The following DLC1 variants were observed in gnomAD, a reference collection of about 807,000 sequenced individuals.
DLC1 encodes the protein rho GTPase-activating protein 7.
DLC1 carries 54 observed loss-of-function variants against 140.3 expected under a neutral mutation model. That is an observed-to-expected ratio of 0.38 (90% confidence interval 0.31 to 0.48). DLC1 has a LOEUF of 0.48. Among genes scored for constraint, DLC1 ranks in the 20% least tolerant of loss-of-function variants. The pLI, the probability that DLC1 is intolerant of heterozygous loss-of-function variation, is 0.96. For synonymous variants in DLC1, 986 were observed against 728.1 expected (o/e 1.35, Z -5.70); for missense variants, 2,536 against 1,907.0 (o/e 1.33, Z -6.14).
intron 4 of DLC1, among the ~76,000 whole-genome samples, chr8:13,376,063 A>C (rs1350336531): frequency 1.3e-5 from 2 of 152,176 alleles, no homozygotes; most frequent in African/African-American, 2.4e-5. Context: ...AAGAAAAAGC[A>C]CCAAAAAGAG....
intron 4 of DLC1, among the ~76,000 whole-genome samples, chr8:13,389,090 G>T (rs1445329301): frequency 6.6e-6 from 1 of 151,988 alleles, no homozygotes; most frequent in Non-Finnish European, 1.5e-5. Context: ...ACAGTAGAAT[G>T]CTAGACTCTC....
At chr8:13,411,312 C>T (rs531534659) in intron 2 of DLC1, among the ~76,000 whole-genome samples, 18 of 152,194 alleles carry the variant, frequency 1.2e-4, no homozygotes, top group Middle Eastern at 3.4e-3. Flanking sequence ...GTCAGTCTGA[C>T]GAGCTATCTA....
intron 1 of DLC1, among the ~76,000 whole-genome samples, chr8:13,545,233 G>T (rs188161323): frequency 1.8e-3 from 276 of 151,674 alleles, no homozygotes; most frequent in Admixed American, 2.9e-3. Flanking sequence ...TGGATATCCT[G>T]CTCAAATTAG....
At chr8:13,352,158 A>G (rs7834258) in intron 4 of DLC1, among the ~76,000 whole-genome samples, 14,798 of 152,266 alleles carry the variant, frequency 0.097, 815 homozygotes, top group South Asian at 0.12. Context: ...TGAAAGCATC[A>G]GTCATTGTGA....
intron 5 of DLC1, among the ~76,000 whole-genome samples, chr8:13,234,174 A>G (rs1829179663): frequency 6.6e-6 from 1 of 152,152 alleles, no homozygotes; most frequent in African/African-American, 2.4e-5. Context: ...CCTTTTTAAA[A>G]ATTTAGGAAA....
chr8:13,103,524 T>A (rs994335379), intron 7 of DLC1, among the ~76,000 whole-genome samples: 1 of 151,836 alleles, frequency 6.6e-6, no homozygotes, highest in Non-Finnish European at 1.5e-5. Flanking sequence ...CATTATGGAC[T>A]GCCGCACATG....
chr8:13,236,800 T>A (rs763893950), intron 5 of DLC1, among the ~76,000 whole-genome samples: 3 of 152,068 alleles, frequency 2.0e-5, no homozygotes, highest in Non-Finnish European at 4.4e-5. Flanking sequence ...TTCATATCCA[T>A]CTAAAAGGGT....
intron 4 of DLC1, among the ~76,000 whole-genome samples, chr8:13,354,922 C>A (rs1206607783): frequency 1.4e-5 from 2 of 146,794 alleles, no homozygotes; most frequent in African/African-American, 2.5e-5. Context: ...CACTGCACTC[C>A]AGCCTGGATG....
At chr8:13,443,657 C>CAAAAAAAAAAAAAAAAAAAAAAA (rs11321891) in intron 2 of DLC1, among the ~76,000 whole-genome samples, 1 of 67,034 alleles carries the variant, frequency 1.5e-5, no homozygotes, top group African/African-American at 4.6e-5. Flanking sequence ...GACTCCGTCT[C>CAAAAAAAAAAAAAAAAAAAAAAA]AAAAAAAAAA....
chr8:13,389,632 A>G (rs1436985014), intron 4 of DLC1, among the ~76,000 whole-genome samples: 1 of 152,188 alleles, frequency 6.6e-6, no homozygotes, highest in Non-Finnish European at 1.5e-5. Flanking sequence ...ATCTACACAT[A>G]GAATTAATGA....
chr8:13,310,389 C>T (rs144003246), intron 4 of DLC1, among the ~76,000 whole-genome samples: 1 of 152,168 alleles, frequency 6.6e-6, no homozygotes, highest in East Asian at 1.9e-4. Context: ...ATTCACTTTT[C>T]TTCCCACAAA....
At chr8:13,271,142 C>T (rs1853700298) in intron 5 of DLC1, among the ~76,000 whole-genome samples, 2 of 152,198 alleles carry the variant, frequency 1.3e-5, no homozygotes, top group African/African-American at 2.4e-5. Flanking sequence ...AATCTAGATA[C>T]ATGTTCACAT....
At chr8:13,495,238 C>T (rs1009268158) in intron 2 of DLC1, among the ~76,000 whole-genome samples, 8 of 152,140 alleles carry the variant, frequency 5.3e-5, no homozygotes, top group African/African-American at 1.9e-4. Context: ...GAATTTTGTA[C>T]TCTCTCTAAT....
At chr8:13,475,703 T>C (rs1178900984) in intron 2 of DLC1, among the ~76,000 whole-genome samples, 1 of 152,134 alleles carries the variant, frequency 6.6e-6, no homozygotes, top group Non-Finnish European at 1.5e-5. Flanking sequence ...CTGAGGCTGG[T>C]ACTCAAATCC....
At chr8:13,491,371 C>A (rs945254224) in intron 2 of DLC1, among the ~76,000 whole-genome samples, 1 of 151,974 alleles carries the variant, frequency 6.6e-6, no homozygotes, top group South Asian at 2.1e-4. Flanking sequence ...ATTTCTAGAC[C>A]AGTGGCCTCT....
intron 2 of DLC1, among the ~76,000 whole-genome samples, chr8:13,437,169 C>G (rs752211097): frequency 6.6e-6 from 1 of 152,102 alleles, no homozygotes; most frequent in Admixed American, 6.5e-5. Context: ...CTCAAGTTGA[C>G]AAGTTGAGAA....
intron 5 of DLC1, among the ~76,000 whole-genome samples, chr8:13,286,025 C>T (rs73212253): frequency 0.04 from 6,015 of 152,152 alleles, 159 homozygotes; most frequent in Non-Finnish European, 0.059. Context: ...ATATGCAATA[C>T]AGTGTTATTA....
chr8:13,279,881 AG>A (rs1050168261), intron 5 of DLC1, among the ~76,000 whole-genome samples: 1 of 152,096 alleles, frequency 6.6e-6, no homozygotes, highest in African/African-American at 2.4e-5. Context: ...TGACTCTGAG[AG>A]GTGAGAATAG....
At chr8:13,223,173 G>C (rs547476302) in intron 5 of DLC1, among the ~76,000 whole-genome samples, 11 of 152,020 alleles carry the variant, frequency 7.2e-5, no homozygotes, top group Non-Finnish European at 1.5e-4. Context: ...CTGTAGGTTT[G>C]TTAAATGATA....
Sources: allele counts gnomAD v4.1 joint callset (sites outside exome capture counted in the v4.1 genomes callset), GRCh38; gene constraint gnomAD v4.1.1; transcripts MANE v1.5; gene names NCBI Gene and HGNC (gene_info 2026-07-23, HGNC 2026-07-21).